The following GABRG1 variants were observed in gnomAD, a reference collection of about 807,000 sequenced individuals.
The protein encoded by GABRG1 is gamma-aminobutyric acid type A receptor subunit gamma1.
Under a neutral mutation model 49.8 loss-of-function variants are expected in GABRG1, and 49 were observed. That is an observed-to-expected ratio of 0.98 (90% CI 0.78 to 1.25). GABRG1 has a LOEUF of 1.25. Among genes scored for constraint, GABRG1 ranks in the 50% most tolerant of loss-of-function variants. The probability of loss-of-function intolerance (pLI) is 0.00; values close to 1 mark genes in which losing one functional copy is unlikely to be tolerated. For missense variants in GABRG1, 552 were observed against 552.3 expected, an observed-to-expected ratio of 1.00 and a Z score of 0.01; for synonymous variants, 232 against 185.1, an observed-to-expected ratio of 1.25 and a Z score of -2.06.
At chr4:46,081,256 C>T (rs1719557020) in intron 3 of GABRG1, among the ~76,000 whole-genome samples, 1 of 151,748 alleles carries the variant, frequency 6.6e-6, no homozygotes, top group African/African-American at 2.4e-5. Flanking sequence ...AAGATTTGGC[C>T]CCAGCCTCAA....
rs1717660530 is a variant in GABRG1 at position 46,039,244 on chromosome 4, T to A, written c.*1744A>T. 1 of 151,628 alleles carries A rather than the reference T, an allele frequency of 6.6e-6. No homozygotes were observed. Among genetic ancestry groups the A allele is most frequent in the Non-Finnish European group, 1.5e-5 (1 of 67,734 alleles). The allele number at this position is 151,628 out of a possible 1,614,324, so 9.4% of individuals were successfully genotyped here. On this transcript the variant is annotated 3_prime_UTR_variant, in exon 9 of 9. Coordinates refer to ENST00000295452, the MANE Select transcript of GABRG1 (RefSeq NM_173536.4). Reference sequence around the variant, plus strand: ...GGCCAAAGTTTAGTTTGGCTGTTCATTCAAGAAAAGCAGTGTCGGTGGATA... The same window carrying A: ...GGCCAAAGTTTAGTTTGGCTGTTCAATCAAGAAAAGCAGTGTCGGTGGATA...
rs1269701547 is a variant in GABRG1 at position 46,037,655 on chromosome 4, G to A, written c.*3333C>T. 2 of 151,612 alleles carry A rather than the reference G, an allele frequency of 1.3e-5. No homozygotes were observed. Among genetic ancestry groups the A allele is most frequent in the East Asian group, 1.9e-4 (1 of 5,160 alleles). 9.4% of individuals were successfully genotyped at this position (151,612 alleles called of 1,614,324 possible). The stretch of plus-strand genomic sequence containing the variant: ...GGAAATTTTGTAAGAGTAAAAATAG[G>A]TACTGGTATAGAACTTTGAAAATAT... On this transcript the variant is annotated 3_prime_UTR_variant, in exon 9 of 9. Transcript: ENST00000295452.
intron 8 of GABRG1, among the ~76,000 whole-genome samples, chr4:46,050,970 T>C (rs1718193810): frequency 6.6e-6 from 1 of 151,872 alleles, no homozygotes; most frequent in African/African-American, 2.4e-5. Context: ...GGTAATTATA[T>C]GATTGAGATG....
At chr4:46,123,209 AC>A (rs556483035) in intron 1 of GABRG1, among the ~76,000 whole-genome samples, 51 of 150,796 alleles carry the variant, frequency 3.4e-4, no homozygotes, top group Non-Finnish European at 6.3e-4. Flanking sequence ...TTAAAAAAAA[AC>A]ACTCAAAGCT....
intron 5 of GABRG1, among the ~76,000 whole-genome samples, chr4:46,063,104 T>C (rs572655184): frequency 6.2e-4 from 94 of 151,522 alleles, no homozygotes; most frequent in African/African-American, 2.2e-3. Flanking sequence ...CAAGGTAATT[T>C]ATAGATTCAA....
rs2109431394 is a variant in GABRG1, at chr4:46,097,286, G to T, written c.168C>A (p.Ala56=). The T allele has an allele frequency of 6.2e-7, 1 of 1,610,730 alleles. No homozygotes were observed. The highest frequency in any genetic ancestry group is 8.5e-7 in the Non-Finnish European group (1 of 1,178,010). ...DLTVNKTWVL[A]PKIHEGDITQ... is the part of the protein sequence containing the mutation. ...TGATATCTCCTTCATGAATTTTTGG[G>T]GCCAAGACCCAGGTTTTGTTCACCG... The change falls in exon 2 of 9, where the codon GCC becomes GCA. Residue 56 remains alanine, a synonymous_variant. Transcript: ENST00000295452.
intron 1 of GABRG1, among the ~76,000 whole-genome samples, chr4:46,101,399 T>C (rs1347960337): frequency 6.6e-6 from 1 of 151,046 alleles, no homozygotes; most frequent in Non-Finnish European, 1.5e-5. Context: ...CGGTACGTAA[T>C]TAGCAGACAC....
chr4:46,071,067 T>C lies in GABRG1; in HGVS notation c.322-5483A>G, dbSNP rs185522921. On this transcript the variant is annotated intron_variant, in intron 3 of 8. Transcript: ENST00000295452. ...AAATTCCCATCACCTAGTGATGTTG[T>C]GGCCATTCTAACGTCCTAGCACAAC... is the stretch of plus-strand genomic sequence containing the variant. Among the ~76,000 whole-genome samples, 216 of 152,186 alleles carry C rather than the reference T, an allele frequency of 1.4e-3. 1 individual carries two copies. Among genetic ancestry groups the C allele is most frequent in the Middle Eastern group, 0.01 (3 of 294 alleles).
intron 3 of GABRG1, among the ~76,000 whole-genome samples, chr4:46,067,288 T>C (rs953278830): frequency 1.3e-5 from 2 of 152,086 alleles, no homozygotes; most frequent in Non-Finnish European, 2.9e-5. Context: ...TGATGAACAG[T>C]GTTACAATTC....
At chr4:46,053,594 A>T (rs1369624069) in intron 7 of GABRG1, among the ~76,000 whole-genome samples, 1 of 151,934 alleles carries the variant, frequency 6.6e-6, no homozygotes, top group Non-Finnish European at 1.5e-5. Flanking sequence ...ATTAAATCAC[A>T]TTGTTCCCAT....
In GABRG1 at chr4:46,063,510, TCCTTATA is replaced by T. The variant is rs1718792030; in HGVS notation, c.625+924_625+930del. On this transcript the variant is annotated intron_variant, in intron 5 of 8. Transcript: ENST00000295452. ...TGTAGAAAGGTGAAACTGGATCCCTTCCTTATACCTTATACAAAAATTAATTCAAGAT... is the reference window on the plus strand; with the variant it reads ...TGTAGAAAGGTGAAACTGGATCCCTTCCTTATACAAAAATTAATTCAAGAT... Among the ~76,000 whole-genome samples, 3 of 152,242 alleles carry T rather than the reference TCCTTATA, an allele frequency of 2.0e-5. No homozygotes were observed. In the South Asian group the frequency reaches 6.2e-4, roughly 32 times the overall value.
At chr4:46,105,708 T>A (rs1720509864) in intron 1 of GABRG1, among the ~76,000 whole-genome samples, 2 of 151,144 alleles carry the variant, frequency 1.3e-5, no homozygotes, top group South Asian at 4.2e-4. Context: ...AGACACATAA[T>A]CCTCCAATTT....
In GABRG1 at chr4:46,089,682, G is replaced by A. The variant is rs149559436; in HGVS notation, c.254-5629C>T. Among the ~76,000 whole-genome samples the A allele has an allele frequency of 3.1e-3, 465 of 152,186 alleles. 1 individual carries two copies. The highest frequency in any genetic ancestry group is 0.011 in the African/African-American group (450 of 41,544). On this transcript the variant is annotated intron_variant, in intron 2 of 8. Transcript: ENST00000295452. ...AAGTTGTTAAGAAGTAGGAAAATAG[G>A]CTAGGCATGGTGGCTTCTGCCAGTA...
At chr4:46,061,243 C>T (rs946304393) in intron 5 of GABRG1, among the ~76,000 whole-genome samples, 8 of 151,908 alleles carry the variant, frequency 5.3e-5, no homozygotes, top group African/African-American at 1.4e-4. Context: ...TTATCCACTT[C>T]AAAGTTACTG....
intron 1 of GABRG1, among the ~76,000 whole-genome samples, chr4:46,101,581 G>A: frequency 6.6e-6 from 1 of 151,592 alleles, no homozygotes; most frequent in African/African-American, 2.4e-5. Flanking sequence ...AATGTGCTAA[G>A]TGCTAGGAAT....
chr4:46,051,970 G>A (rs1240986607), intron 7 of GABRG1, among the ~76,000 whole-genome samples: 1 of 151,774 alleles, frequency 6.6e-6, no homozygotes, highest in African/African-American at 2.4e-5. Context: ...GCAGTTGAGT[G>A]TGGCTACAGG....
At chr4:46,119,282 T>C (rs1721025286) in intron 1 of GABRG1, among the ~76,000 whole-genome samples, 1 of 151,484 alleles carries the variant, frequency 6.6e-6, no homozygotes, top group African/African-American at 2.4e-5. Flanking sequence ...TCTCTTCTCC[T>C]CTTTTTTTCT....
At chr4:46,048,805 A>T (rs73142815) in intron 8 of GABRG1, among the ~76,000 whole-genome samples, 8,355 of 151,964 alleles carry the variant, frequency 0.055, 381 homozygotes, top group African/African-American at 0.11. Flanking sequence ...TCATGTGGAG[A>T]GTAAGTTAAA....
Position 46,101,051 on chromosome 4 carries a change from C to A in GABRG1, c.105-3702G>T, listed in dbSNP as rs371125384. Among the ~76,000 whole-genome samples the A allele has an allele frequency of 1.6e-4, 24 of 151,354 alleles. No individual in the cohort carries two copies. The East Asian group carries it at 2.7e-3, about 17-fold the overall frequency. ...ATAGCACTTATAGTGTGTTTCATGT[C>A]CTGATGTTTTTTGGAAGCTGGGAGA... On this transcript the variant is annotated intron_variant, in intron 1 of 8. Coordinates refer to ENST00000295452, the MANE Select transcript of GABRG1 (RefSeq NM_173536.4).
Sources: allele counts gnomAD v4.1 joint callset (sites outside exome capture counted in the v4.1 genomes callset), GRCh38; gene constraint gnomAD v4.1.1; transcripts MANE v1.5; gene names NCBI Gene and HGNC (gene_info 2026-07-23, HGNC 2026-07-21).